SNTG2: variants seen among roughly 807,000 people sequenced by gnomAD.
The protein encoded by SNTG2 is gamma-2-syntrophin.
SNTG2 carries 74 observed loss-of-function variants against 70.9 expected under a neutral mutation model. The ratio of observed to expected loss-of-function variants is 1.04; its 90% CI spans 0.86 to 1.27. The LOEUF (loss-of-function observed/expected upper bound fraction) is 1.27. Among genes scored for constraint, SNTG2 ranks in the 50% most tolerant of loss-of-function variants. The pLI is 0.00. For missense variants in SNTG2, 717 were observed against 690.7 expected (o/e 1.04, Z -0.43); for synonymous variants, 278 against 273.8 (o/e 1.02, Z -0.15).
intron 14 of SNTG2, among the ~76,000 whole-genome samples, chr2:1,281,219 GTT>G (rs1425667264): frequency 8.7e-5 from 12 of 137,904 alleles, no homozygotes; most frequent in South Asian, 2.5e-4. Context: ...GTGTGTGTGT[GTT>G]TGTGTTTATG....
chr2:1,083,379 G>A lies in SNTG2; in HGVS notation c.73-139G>A, dbSNP rs80106080. 3,885 of 693,312 alleles carry A rather than the reference G, an allele frequency of 5.6e-3. 119 individuals carry two copies. The African/African-American group carries it at 0.062, about 11-fold the overall frequency. 42.9% of individuals were successfully genotyped at this position (693,312 alleles called of 1,614,324 possible). A position where few individuals can be genotyped will look rare whatever the true frequency, so the allele number is the denominator to read the frequency against. ...GCATAAATGAATCAAATCCTTATCG[G>A]TTGAGCACAGATCTGTGCACACGCG... On this transcript the variant is annotated intron_variant, in intron 1 of 16. Coordinates refer to ENST00000308624, the MANE Select transcript of SNTG2 (RefSeq NM_018968.4).
intron 12 of SNTG2, among the ~76,000 whole-genome samples, chr2:1,248,846 G>C (rs1161615652): frequency 1.3e-5 from 2 of 152,170 alleles, no homozygotes; most frequent in African/African-American, 2.4e-5. Context: ...TGTGTGGCCT[G>C]TTTACCAGTT....
At chr2:1,172,890 A>G (rs764068452) in intron 7 of SNTG2, among the ~76,000 whole-genome samples, 25 of 151,914 alleles carry the variant, frequency 1.6e-4, no homozygotes, top group Non-Finnish European at 3.2e-4. Flanking sequence ...CCTCCCTTCA[A>G]CCTGAGGTCA....
At chr2:1,001,860 A>G (rs1659404848) in intron 1 of SNTG2, among the ~76,000 whole-genome samples, 1 of 152,164 alleles carries the variant, frequency 6.6e-6, no homozygotes, top group Admixed American at 6.5e-5. Context: ...CCTGACTTCA[A>G]ATTATACTAC....
chr2:996,400 A>T (rs1661681990), intron 1 of SNTG2, among the ~76,000 whole-genome samples: 1 of 152,094 alleles, frequency 6.6e-6, no homozygotes, highest in Admixed American at 6.5e-5. Context: ...CTTGTTCCTG[A>T]GCCTAATATT....
intron 4 of SNTG2, among the ~76,000 whole-genome samples, chr2:1,100,197 C>T (rs533468224): frequency 6.6e-6 from 1 of 152,014 alleles, no homozygotes; most frequent in African/African-American, 2.4e-5. Context: ...GACAGAGTCT[C>T]ACTGAGATGC....
At chr2:1,049,103 T>G (rs1661906233) in intron 1 of SNTG2, among the ~76,000 whole-genome samples, 1 of 152,190 alleles carries the variant, frequency 6.6e-6, no homozygotes, top group Admixed American at 6.5e-5. Flanking sequence ...TCCCACACTA[T>G]CAGCATCTCA....
At chr2:1,212,649 C>G (rs554312848) in intron 9 of SNTG2, among the ~76,000 whole-genome samples, 2 of 152,268 alleles carry the variant, frequency 1.3e-5, no homozygotes, top group South Asian at 4.1e-4. Flanking sequence ...AGGGCTTAAG[C>G]TATGAATTTT....
chr2:1,019,705 A>AT (rs1314725660), intron 1 of SNTG2, among the ~76,000 whole-genome samples: 1 of 152,148 alleles, frequency 6.6e-6, no homozygotes, highest in East Asian at 1.9e-4. Context: ...TAGCTGAGGG[A>AT]TAACCACAGT....
At chr2:1,190,220 A>G (rs1468938523) in intron 8 of SNTG2, among the ~76,000 whole-genome samples, 1 of 152,060 alleles carries the variant, frequency 6.6e-6, no homozygotes, top group Non-Finnish European at 1.5e-5. Flanking sequence ...AACAAAATCC[A>G]TAGATGCTTA....
chr2:965,212 AATCCTCCTCCT>A (rs1408314134), intron 1 of SNTG2, among the ~76,000 whole-genome samples: 2 of 62,632 alleles, frequency 3.2e-5, no homozygotes. Context: ...CCTGGTCCCC[AATCCTCCTCCT>A]GGTCCCCAGT....
intron 12 of SNTG2, chr2:1,256,625 T>G (rs1558603991): frequency 1.3e-5 from 1 of 75,654 alleles, no homozygotes; most frequent in Non-Finnish European, 2.6e-5. Context: ...TTTTTGGTGA[T>G]TTTTTTTTTC....
At chr2:1,340,085 A>G (rs1573002517) in intron 16 of SNTG2, among the ~76,000 whole-genome samples, 2 of 152,344 alleles carry the variant, frequency 1.3e-5, no homozygotes, top group East Asian at 3.9e-4. Context: ...ATGGCCTCTG[A>G]CAATTTTCTG....
chr2:1,088,849 T>C (rs1335142391), intron 2 of SNTG2, among the ~76,000 whole-genome samples: 1 of 152,240 alleles, frequency 6.6e-6, no homozygotes, highest in Non-Finnish European at 1.5e-5. Flanking sequence ...ATTTCTCTTG[T>C]GTTTAAAATG....
chr2:1,039,853 G>T (rs556652611), intron 1 of SNTG2, among the ~76,000 whole-genome samples: 48 of 152,138 alleles, frequency 3.2e-4, no homozygotes, highest in Non-Finnish European at 6.8e-4. Context: ...GGTTGTGGGG[G>T]ACCTGTTTAA....
intron 8 of SNTG2, among the ~76,000 whole-genome samples, chr2:1,177,926 A>G (rs950174406): frequency 6.6e-6 from 1 of 152,222 alleles, no homozygotes; most frequent in Non-Finnish European, 1.5e-5. Context: ...GATAATTTTT[A>G]TATTAGCCAG....
intron 8 of SNTG2, among the ~76,000 whole-genome samples, chr2:1,208,233 AGTGT>A (rs66588436): frequency 6.6e-6 from 1 of 150,922 alleles, no homozygotes; most frequent in African/African-American, 2.4e-5. Flanking sequence ...TACACCTGTG[AGTGT>A]GGGGCACACC....
chr2:1,252,597 CAT>C (rs907099447), intron 12 of SNTG2, among the ~76,000 whole-genome samples: 5 of 152,192 alleles, frequency 3.3e-5, no homozygotes, highest in East Asian at 3.9e-4. Context: ...TCACCTCTGA[CAT>C]AGAGAAGATG....
intron 1 of SNTG2, among the ~76,000 whole-genome samples, chr2:1,044,359 G>A (rs965411896): frequency 6.6e-6 from 1 of 151,890 alleles, no homozygotes; most frequent in African/African-American, 2.4e-5. Flanking sequence ...AAAAGAGATA[G>A]GTTGACTCTT....
Sources: gnomAD v4.1 joint callset for allele counts (sites outside exome capture counted in the v4.1 genomes callset) on GRCh38, gnomAD v4.1.1 for gene constraint, MANE v1.5 for transcripts, NCBI Gene and HGNC (gene_info 2026-07-23, HGNC 2026-07-21) for gene names.